Variants in NEMP2 observed in about 807,000 individuals in gnomAD.
NEMP2 encodes nuclear envelope integral membrane protein 2.
NEMP2 carries 53 observed loss-of-function variants against 54.2 expected under a neutral mutation model. The ratio of observed to expected loss-of-function variants is 0.98; its 90% CI spans 0.78 to 1.23. The LOEUF is 1.23. Among genes scored for constraint, NEMP2 ranks in the 50% most tolerant of loss-of-function variants. The probability of loss-of-function intolerance (pLI) is 0.00; values close to 1 mark genes in which losing one functional copy is unlikely to be tolerated. For synonymous variants in NEMP2, 197 were observed against 190.3 expected, an observed-to-expected ratio of 1.04 and a Z score of -0.29; for missense variants, 455 against 511.3, an observed-to-expected ratio of 0.89 and a Z score of 1.06.
the NEMP2 span, among the ~76,000 whole-genome samples, chr2:190,463,117 G>A: frequency 6.6e-6 from 1 of 152,216 alleles, no homozygotes; most frequent in African/African-American, 2.4e-5. This position sits in a 1 kb window ranked among gnomAD's most constrained non-coding sequence, Gnocchi z 4.4. Context: ...TTCTGCTAGT[G>A]AGGGACACAG....
the NEMP2 span, among the ~76,000 whole-genome samples, chr2:190,493,345 A>G: frequency 2.0e-5 from 3 of 152,194 alleles, no homozygotes; most frequent in African/African-American, 4.8e-5. Context: ...AATCTTCAAT[A>G]TACATACACC....
At chr2:190,441,045 G>T in the NEMP2 span, among the ~76,000 whole-genome samples, 1 of 152,160 alleles carries the variant, frequency 6.6e-6, no homozygotes. Flanking sequence ...CTGCAGCCGG[G>T]TGTTCAATGT....
At chr2:190,448,742 G>T in the NEMP2 span, among the ~76,000 whole-genome samples, 1 of 152,164 alleles carries the variant, frequency 6.6e-6, no homozygotes, top group Admixed American at 6.5e-5. Flanking sequence ...GGACTTGGAT[G>T]GGGAACAAAG....
At chr2:190,491,021 T>C in the NEMP2 span, among the ~76,000 whole-genome samples, 3 of 152,238 alleles carry the variant, frequency 2.0e-5, no homozygotes, top group Non-Finnish European at 4.4e-5. The surrounding 1 kb of genome is among the most constrained non-coding windows in gnomAD (Gnocchi z 4.2). Context: ...ATAACTATCA[T>C]GGCTCTCCCA....
At chr2:190,503,981 A>G (rs191043515), downstream of NEMP2, among the ~76,000 whole-genome samples, 57 of 152,342 alleles carry the variant, frequency 3.7e-4, no homozygotes, top group East Asian at 0.011. This position sits in a 1 kb window ranked among gnomAD's most constrained non-coding sequence, Gnocchi z 6.3. Context: ...ACCAGCTGCC[A>G]TCTGCTTCAA....
At chr2:190,548,633 C>T in the NEMP2 span, among the ~76,000 whole-genome samples, 1 of 152,104 alleles carries the variant, frequency 6.6e-6, no homozygotes, top group African/African-American at 2.4e-5. Context: ...TGAGTAATAC[C>T]AATGAGAGAA....
the NEMP2 span, among the ~76,000 whole-genome samples, chr2:190,481,657 T>C: frequency 1.8e-4 from 28 of 152,360 alleles, no homozygotes; most frequent in African/African-American, 6.5e-4. Flanking sequence ...TGTCATATTT[T>C]CAAAGCCTAG....
At chr2:190,455,618 G>A in the NEMP2 span, among the ~76,000 whole-genome samples, 1 of 152,112 alleles carries the variant, frequency 6.6e-6, no homozygotes, top group East Asian at 1.9e-4. Flanking sequence ...TGTTTCAGAA[G>A]ATTATGGGCA....
At chr2:190,451,380 T>C in the NEMP2 span, among the ~76,000 whole-genome samples, 1 of 152,222 alleles carries the variant, frequency 6.6e-6, no homozygotes, top group Non-Finnish European at 1.5e-5. The surrounding 1 kb of genome is among the most constrained non-coding windows in gnomAD (Gnocchi z 5.0). Flanking sequence ...GGTAGTATTG[T>C]TACTAATTCA....
chr2:190,620,619 T>G, the NEMP2 span, among the ~76,000 whole-genome samples: 2 of 152,216 alleles, frequency 1.3e-5, no homozygotes, highest in Non-Finnish European at 2.9e-5. This position sits in a 1 kb window ranked among gnomAD's most constrained non-coding sequence, Gnocchi z 4.9. Flanking sequence ...GGGAATTTAA[T>G]GAACTGATTA....
chr2:190,464,529 T>C, the NEMP2 span, among the ~76,000 whole-genome samples: 1 of 152,216 alleles, frequency 6.6e-6, no homozygotes, highest in South Asian at 2.1e-4. Context: ...TAATCCTTCT[T>C]GTGTCTTTCA....
the NEMP2 span, among the ~76,000 whole-genome samples, chr2:190,600,161 A>G: frequency 6.6e-6 from 1 of 152,160 alleles, no homozygotes; most frequent in Non-Finnish European, 1.5e-5. The surrounding 1 kb of genome is among the most constrained non-coding windows in gnomAD (Gnocchi z 4.9). Context: ...TAGCAGTGGT[A>G]TTTTACAAAC....
the NEMP2 span, among the ~76,000 whole-genome samples, chr2:190,484,572 A>C: frequency 6.6e-6 from 1 of 152,162 alleles, no homozygotes; most frequent in Non-Finnish European, 1.5e-5. Flanking sequence ...TTGTTATTTT[A>C]AAACGAGAGA....
chr2:190,437,329 A>G, the NEMP2 span: 1 of 1,614,246 alleles, frequency 6.2e-7, no homozygotes, highest in East Asian at 2.2e-5. This position sits in a 1 kb window ranked among gnomAD's most constrained non-coding sequence, Gnocchi z 5.9. Context: ...GCAGGCCTTC[A>G]ACTTTTGGGA....
At chr2:190,562,378 G>A in the NEMP2 span, among the ~76,000 whole-genome samples, 162 of 152,262 alleles carry the variant, frequency 1.1e-3, 1 homozygote, top group East Asian at 0.027. This position sits in a 1 kb window ranked among gnomAD's most constrained non-coding sequence, Gnocchi z 5.0. Flanking sequence ...AACCAGCTGT[G>A]CCAGCCCATA....
chr2:190,481,998 C>T, the NEMP2 span, among the ~76,000 whole-genome samples: 1 of 152,158 alleles, frequency 6.6e-6, no homozygotes, highest in Non-Finnish European at 1.5e-5. Context: ...TCCCAGCCTC[C>T]CTTGCAGTTA....
chr2:190,488,149 C>T, the NEMP2 span, among the ~76,000 whole-genome samples: 3 of 152,232 alleles, frequency 2.0e-5, no homozygotes, highest in Admixed American at 2.0e-4. The surrounding 1 kb of genome is among the most constrained non-coding windows in gnomAD (Gnocchi z 6.4). Context: ...GATCCACCCG[C>T]CTCGGCCTCC....
chr2:190,574,253 T>C, the NEMP2 span, among the ~76,000 whole-genome samples: 9 of 152,220 alleles, frequency 5.9e-5, no homozygotes, highest in African/African-American at 2.2e-4. Context: ...TAGCTTACAA[T>C]TCAATCCCTT....
chr2:190,631,374 C>A, the NEMP2 span, among the ~76,000 whole-genome samples: 2 of 152,188 alleles, frequency 1.3e-5, no homozygotes, highest in Non-Finnish European at 2.9e-5. Context: ...GTTGACAGTA[C>A]AGCAAAGCCC....
Sources: allele counts gnomAD v4.1 joint callset (sites outside exome capture counted in the v4.1 genomes callset), GRCh38; gene constraint gnomAD v4.1.1; non-coding constraint Gnocchi (gnomAD v3.1); transcripts MANE v1.5; gene names NCBI Gene and HGNC (gene_info 2026-07-23, HGNC 2026-07-21).